The following TLCD3B variants were observed in gnomAD, a reference collection of about 807,000 sequenced individuals.
The protein encoded by TLCD3B is TLC domain containing 3B, also known as ceramide synthase.
TLCD3B carries 9 observed loss-of-function variants against 23.0 expected under a neutral mutation model. The observed-to-expected ratio is 0.39, with a 90% CI of 0.24 to 0.68. The LOEUF (loss-of-function observed/expected upper bound fraction) is 0.68, where lower values mean the gene tolerates loss of function less well. Among genes scored for constraint, TLCD3B ranks in the 30% least tolerant of loss-of-function variants. The pLI, the probability that TLCD3B is intolerant of heterozygous loss-of-function variation, is 0.44. For missense variants in TLCD3B, 307 were observed against 371.8 expected, an observed-to-expected ratio of 0.83 and a Z score of 1.43; for synonymous variants, 161 against 161.0, an observed-to-expected ratio of 1.00 and a Z score of 0.00.
chr16:30,045,612 G>GGT (rs918077004), intron 2 of TLCD3B, among the ~76,000 whole-genome samples: 24 of 137,014 alleles, frequency 1.8e-4, no homozygotes, highest in Admixed American at 1.3e-3. Flanking sequence ...GTGTTTGTGT[G>GGT]GTGTGTGTGT....
chr16:30,037,823 A>G (rs1456217113), intron 3 of TLCD3B, among the ~76,000 whole-genome samples: 1 of 152,190 alleles, frequency 6.6e-6, no homozygotes, highest in Non-Finnish European at 1.5e-5. Flanking sequence ...GTGGGTGTAC[A>G]TGGACTTCAA....
At chr16:30,044,059 C>G (rs1414049675) in intron 2 of TLCD3B, among the ~76,000 whole-genome samples, 2 of 149,436 alleles carry the variant, frequency 1.3e-5, no homozygotes, top group East Asian at 3.9e-4. Flanking sequence ...TGCAGTGGTG[C>G]GATCTCAGCT....
chr16:30,038,310 A>G lies in TLCD3B; in HGVS notation c.-66-2096T>C, dbSNP rs147794215. On this transcript the variant is annotated intron_variant, in intron 3 of 6. Coordinates refer to the TLCD3B transcript ENST00000561666. Reference sequence around the variant, plus strand: ...ACTCTAAAAGAAAAAAAAAAGGCCAAGTGTGGTGGTGCACACCTGTAGTAC... The same window carrying G: ...ACTCTAAAAGAAAAAAAAAAGGCCAGGTGTGGTGGTGCACACCTGTAGTAC... Among the ~76,000 whole-genome samples, 989 of 152,104 alleles carry G rather than the reference A, an allele frequency of 6.5e-3. 11 individuals carry two copies. Among genetic ancestry groups the G allele is most frequent in the African/African-American group, 0.023 (937 of 41,514 alleles).
intron 2 of TLCD3B, among the ~76,000 whole-genome samples, chr16:30,041,545 G>A (rs757843564): frequency 6.6e-6 from 1 of 151,906 alleles, no homozygotes; most frequent in African/African-American, 2.4e-5. Flanking sequence ...GATTACACAC[G>A]CCTGTAATTT....
Position 30,030,841 on chromosome 16 carries a change from A to G in TLCD3B, c.-314T>C. 1.1e-6 allele frequency: 1 copy of G among 926,498 alleles called. No homozygotes were observed. Among genetic ancestry groups the G allele is most frequent in the Non-Finnish European group, 1.3e-6 (1 of 787,922 alleles). The allele number at this position is 926,498 out of a possible 1,614,324, so 57.4% of individuals were successfully genotyped here. On this transcript the variant is annotated 5_prime_UTR_variant, in exon 1 of 5. Coordinates refer to ENST00000380495, the MANE Select transcript of TLCD3B (RefSeq NM_031478.6). ...TGAGGGACAGAGAGGAAGAGGGGAC[A>G]GGAGGAGGAGGATGCGGATGGGGGA...
chr16:30,043,923 C>T (rs897415826), intron 2 of TLCD3B, among the ~76,000 whole-genome samples: 1 of 150,856 alleles, frequency 6.6e-6, no homozygotes, highest in African/African-American at 2.4e-5. Context: ...TGAGCTCCAG[C>T]AATACGCCCG....
At chr16:30,033,443 C>T (rs1319414880), upstream of TLCD3B, 5 of 151,974 alleles carry the variant, frequency 3.3e-5, no homozygotes, top group Non-Finnish European at 7.4e-5. Flanking sequence ...TTTTTGTCTG[C>T]CAGGGAATCC....
intron 1 of TLCD3B, among the ~76,000 whole-genome samples, chr16:30,049,640 C>T (rs1212272306): frequency 3.9e-5 from 6 of 152,076 alleles, no homozygotes; most frequent in African/African-American, 4.8e-5. Context: ...AGTGGGGCCT[C>T]GGCACAGCCA....
intron 2 of TLCD3B, among the ~76,000 whole-genome samples, chr16:30,045,297 G>A (rs2071647688): frequency 7.0e-6 from 1 of 143,068 alleles, no homozygotes; most frequent in Non-Finnish European, 1.5e-5. Flanking sequence ...GGTGGGGTGT[G>A]TGTGGGGTGG....
chr16:30,048,999 G>A (rs1211800476), intron 1 of TLCD3B, among the ~76,000 whole-genome samples: 1 of 152,160 alleles, frequency 6.6e-6, no homozygotes, highest in East Asian at 1.9e-4. Flanking sequence ...TCAAACTCCT[G>A]ACCTCAGGTG....
At chr16:30,031,431 G>A (rs1010234746), upstream of TLCD3B, among the ~76,000 whole-genome samples, 4 of 152,072 alleles carry the variant, frequency 2.6e-5, no homozygotes, top group African/African-American at 9.7e-5. Flanking sequence ...GGGCTCCTTG[G>A]CCAGCTGGGA....
upstream of TLCD3B, chr16:30,033,678 G>T (rs1030266943): frequency 6.6e-6 from 1 of 152,182 alleles, no homozygotes; most frequent in Non-Finnish European, 1.5e-5. Flanking sequence ...AATTGGAAGA[G>T]GTTGGGCGTG....
chr16:30,032,424 T>C (rs2071382735), upstream of TLCD3B, among the ~76,000 whole-genome samples: 1 of 152,126 alleles, frequency 6.6e-6, no homozygotes, highest in Non-Finnish European at 1.5e-5. Flanking sequence ...CTAGCGGCAA[T>C]CTGTAGGAAA....
At chr16:30,026,277 G>A (rs1356079986) in intron 3 of TLCD3B, among the ~76,000 whole-genome samples, 2 of 152,146 alleles carry the variant, frequency 1.3e-5, no homozygotes, top group Non-Finnish European at 2.9e-5. Flanking sequence ...GCAGGAGCAG[G>A]TGCATGACTT....
upstream of TLCD3B, chr16:30,036,074 T>G (rs2071467200): frequency 2.5e-6 from 3 of 1,204,092 alleles, no homozygotes; most frequent in African/African-American, 4.8e-5. Context: ...CTCCTACTCT[T>G]AAACTCCACC....
intron 3 of TLCD3B, among the ~76,000 whole-genome samples, chr16:30,038,420 C>T (rs1407366024): frequency 3.3e-5 from 5 of 152,104 alleles, no homozygotes; most frequent in Non-Finnish European, 1.5e-5. Flanking sequence ...AGACTGCACT[C>T]CAGCCTTGGG....
In TLCD3B at chr16:30,026,629, C is replaced by T; in HGVS notation, c.424G>A (p.Val142Met). 1 of 1,613,678 alleles carries T rather than the reference C, an allele frequency of 6.2e-7. No individual in the cohort carries two copies. The highest frequency in any genetic ancestry group is 8.5e-7 in the Non-Finnish European group (1 of 1,179,986). Residue 142 changes from valine (V) to methionine (M), a missense_variant, in exon 3 of 5, where the codon GTG (valine) becomes ATG (methionine). Physicochemically the swap from Val to Met is conservative, Grantham distance 21 (BLOSUM62 1). Transcript: ENST00000380495. ...CTCACCACTGAGAGTGGGAAGCACA[C>T]CAGCACCATGGCGGCATGGTGGAGC... ...MVLHHAAMVL[V>M]CFPLSVVWRQ...
At chr16:30,046,875 C>T (rs544465225) in intron 1 of TLCD3B, among the ~76,000 whole-genome samples, 1 of 152,322 alleles carries the variant, frequency 6.6e-6, no homozygotes, top group East Asian at 1.9e-4. Context: ...AGCACCTCTA[C>T]CTGGGGCTGC....
At chr16:30,050,305 G>A (rs1249348941) in intron 1 of TLCD3B, among the ~76,000 whole-genome samples, 1 of 152,198 alleles carries the variant, frequency 6.6e-6, no homozygotes, top group African/African-American at 2.4e-5. Context: ...TCGAGAGGCT[G>A]AGGCAGGAGG....
Sources: allele counts gnomAD v4.1 joint callset (sites outside exome capture counted in the v4.1 genomes callset), GRCh38; gene constraint gnomAD v4.1.1; transcripts MANE v1.5; gene names NCBI Gene and HGNC (gene_info 2026-07-23, HGNC 2026-07-21).